KLHL29: variants seen among roughly 807,000 people sequenced by gnomAD.
KLHL29 encodes the protein kelch-like protein 29.
In KLHL29, 21 loss-of-function variants were observed where a neutral mutation model predicts 80.4. The ratio of observed to expected loss-of-function variants is 0.26; its 90% CI spans 0.19 to 0.38. The LOEUF is 0.38. KLHL29 is among the 10% of genes least tolerant of loss of function. The probability of loss-of-function intolerance (pLI) is 1.00; values close to 1 mark genes in which losing one functional copy is unlikely to be tolerated. For synonymous variants in KLHL29, 511 were observed against 526.8 expected, an observed-to-expected ratio of 0.97 and a Z score of 0.41; for missense variants, 867 against 1,223.9, an observed-to-expected ratio of 0.71 and a Z score of 4.35.
intron 5 of KLHL29, among the ~76,000 whole-genome samples, chr2:23,659,783 C>T (rs981949300): frequency 1.3e-5 from 2 of 152,106 alleles, no homozygotes; most frequent in African/African-American, 2.4e-5. Context: ...AGGCCCTCCT[C>T]CAGGCCTGGC....
At chr2:23,523,477 C>T (rs1239512595) in intron 2 of KLHL29, among the ~76,000 whole-genome samples, 1 of 152,204 alleles carries the variant, frequency 6.6e-6, no homozygotes, top group Non-Finnish European at 1.5e-5. Context: ...ATTCTAACCT[C>T]CCTTAGCTTC....
chr2:23,446,154 C>T (rs547746291), intron 1 of KLHL29, among the ~76,000 whole-genome samples: 1 of 150,700 alleles, frequency 6.6e-6, no homozygotes, highest in South Asian at 2.1e-4. Context: ...ATGTTTTCTT[C>T]TAGTACACAT....
intron 3 of KLHL29, among the ~76,000 whole-genome samples, chr2:23,566,155 G>A (rs890191318): frequency 3.9e-5 from 6 of 152,218 alleles, no homozygotes; most frequent in Admixed American, 6.5e-5. Context: ...GATTCCTCAC[G>A]TGTCTTGAGG....
At chr2:23,438,248 G>A (rs967730723) in intron 1 of KLHL29, among the ~76,000 whole-genome samples, 72 of 151,730 alleles carry the variant, frequency 4.7e-4, no homozygotes, top group African/African-American at 1.6e-3. Flanking sequence ...CAATCATGGC[G>A]TCTGCAGACA....
In KLHL29 at chr2:23,681,977, G is replaced by C. The variant is rs554852720; in HGVS notation, c.941-2422G>C. Among the ~76,000 whole-genome samples the C allele has an allele frequency of 2.9e-4, 44 of 152,184 alleles. No homozygotes were observed. Among genetic ancestry groups the C allele is most frequent in the Middle Eastern group, 3.4e-3 (1 of 294 alleles). On this transcript the variant is annotated intron_variant, in intron 5 of 13. Coordinates refer to ENST00000486442, the MANE Select transcript of KLHL29 (RefSeq NM_052920.2). This position sits in a 1 kb window ranked among gnomAD's most constrained non-coding sequence, Gnocchi z 4.2. ...GCTCTCTACCTTGTCTCTAGCCCAG[G>C]CCTCTATCCACCGCCTCCTACCCCA...
chr2:23,602,219 G>A (rs1040760982), intron 3 of KLHL29, among the ~76,000 whole-genome samples: 2 of 152,134 alleles, frequency 1.3e-5, no homozygotes, highest in African/African-American at 2.4e-5. Context: ...CGTGCCCGTC[G>A]GCAAGACATG....
chr2:23,455,638 G>A (rs538431820), intron 1 of KLHL29, among the ~76,000 whole-genome samples: 5 of 133,902 alleles, frequency 3.7e-5, no homozygotes, highest in Non-Finnish European at 7.8e-5. Flanking sequence ...TTGAGACCGA[G>A]TCTCCATCTG....
chr2:23,469,444 G>T (rs1417797383), intron 1 of KLHL29, among the ~76,000 whole-genome samples: 1 of 152,222 alleles, frequency 6.6e-6, no homozygotes, highest in Non-Finnish European at 1.5e-5. Context: ...AGATGCAGGA[G>T]CACGCCACGC....
intron 3 of KLHL29, among the ~76,000 whole-genome samples, chr2:23,628,771 A>G (rs1669389851): frequency 6.6e-6 from 1 of 152,226 alleles, no homozygotes; most frequent in South Asian, 2.1e-4. Flanking sequence ...AGCCCTGTAC[A>G]GGGGACTTTT....
intron 2 of KLHL29, among the ~76,000 whole-genome samples, chr2:23,536,350 G>A (rs970994410): frequency 1.3e-5 from 2 of 152,208 alleles, no homozygotes; most frequent in African/African-American, 4.8e-5. Flanking sequence ...ATTAGAGTAC[G>A]CTGTGTGGAC....
intron 2 of KLHL29, among the ~76,000 whole-genome samples, chr2:23,542,549 G>A (rs1348995557): frequency 6.6e-6 from 1 of 152,248 alleles, no homozygotes; most frequent in Non-Finnish European, 1.5e-5. Context: ...ACTTTCTGGA[G>A]TTGACCTTTT....
chr2:23,473,022 G>A (rs1429645488), intron 1 of KLHL29, among the ~76,000 whole-genome samples: 1 of 152,210 alleles, frequency 6.6e-6, no homozygotes. Flanking sequence ...CTGATGATGG[G>A]ATGAGGGGAA....
intron 4 of KLHL29, among the ~76,000 whole-genome samples, chr2:23,640,562 C>A (rs1410614849): frequency 6.6e-6 from 1 of 152,210 alleles, no homozygotes; most frequent in African/African-American, 2.4e-5. Flanking sequence ...GACACCACCT[C>A]CCCTCTTCAG....
chr2:23,670,987 T>TCTCTCTCTCGCC (rs1558432998), intron 5 of KLHL29, among the ~76,000 whole-genome samples: 1 of 2,146 alleles, frequency 4.7e-4, no homozygotes, highest in Admixed American at 5.6e-3. Flanking sequence ...TCTCCCTCCC[T>TCTCTCTCTCGCC]CCCTCCCTCC....
In KLHL29 at chr2:23,562,148, A is replaced by G. The variant is rs1667461845; in HGVS notation, c.-45-4A>G. Reference sequence around the variant, plus strand: ...TCACCCTTCTCTCCACCCTGTCACCACAGGTCCGGGCTCTGTTTCCCTGTG... The same window carrying G: ...TCACCCTTCTCTCCACCCTGTCACCGCAGGTCCGGGCTCTGTTTCCCTGTG... On this transcript the variant is annotated splice_region_variant and splice_polypyrimidine_tract_variant and intron_variant, in intron 2 of 13. Coordinates refer to ENST00000486442, the MANE Select transcript of KLHL29 (RefSeq NM_052920.2). The surrounding 1 kb of genome is among the most constrained non-coding windows in gnomAD (Gnocchi z 4.5). The G allele has an allele frequency of 6.5e-7, 1 of 1,547,072 alleles. No individual in the cohort carries two copies. Among genetic ancestry groups the G allele is most frequent in the Non-Finnish European group, 8.7e-7 (1 of 1,146,214 alleles).
At chr2:23,589,699 G>A (rs1431903595) in intron 3 of KLHL29, among the ~76,000 whole-genome samples, 2 of 152,204 alleles carry the variant, frequency 1.3e-5, no homozygotes, top group African/African-American at 4.8e-5. Flanking sequence ...CTGCCTCAGA[G>A]GAAAATCTGA....
rs1671173768 is a variant in KLHL29, at chr2:23,684,230, A to T, written c.941-169A>T. ...CCCAGTGGCTGCTTGTTTATGCATT[A>T]TGTTTGTGACTTCTTTTGACTGTCA... On this transcript the variant is annotated intron_variant, in intron 5 of 13. Coordinates refer to ENST00000486442, the MANE Select transcript of KLHL29 (RefSeq NM_052920.2). The surrounding 1 kb of genome is among the most constrained non-coding windows in gnomAD (Gnocchi z 4.4). Among the ~76,000 whole-genome samples, 1 of 151,618 alleles carries T rather than the reference A, an allele frequency of 6.6e-6. No homozygotes were observed. Among genetic ancestry groups the T allele is most frequent in the African/African-American group, 2.4e-5 (1 of 41,234 alleles).
Position 23,696,739 on chromosome 2 carries a change from G to A in KLHL29, c.2105+226G>A, listed in dbSNP as rs1173376205. ...GTGTCACCTTTGCAGTCGCTGAGAT[G>A]GGAGATGGGGCGCTTCTGTCCCGAC... is the stretch of plus-strand genomic sequence containing the variant. On this transcript the variant is annotated intron_variant, in intron 11 of 13. Transcript: ENST00000486442. This position sits in a 1 kb window ranked among gnomAD's most constrained non-coding sequence, Gnocchi z 5.5. 6.2e-6 allele frequency: 3 copies of A among 482,326 alleles called. No individual in the cohort carries two copies. The highest frequency in any genetic ancestry group is 1.1e-5 in the Non-Finnish European group (3 of 274,936). The allele number at this position is 482,326 out of a possible 1,614,324, so 29.9% of individuals were successfully genotyped here. A position where few individuals can be genotyped will look rare whatever the true frequency, so the allele number is the denominator to read the frequency against.
chr2:23,615,760 G>A (rs775185284), intron 3 of KLHL29, among the ~76,000 whole-genome samples: 5 of 152,304 alleles, frequency 3.3e-5, no homozygotes, highest in South Asian at 2.1e-4. Flanking sequence ...GGGTCACTGC[G>A]TGGACACAGA....
Sources: gnomAD v4.1 joint callset for allele counts (sites outside exome capture counted in the v4.1 genomes callset) on GRCh38, gnomAD v4.1.1 for gene constraint, Gnocchi (gnomAD v3.1) non-coding constraint, MANE v1.5 for transcripts, NCBI Gene and HGNC (gene_info 2026-07-23, HGNC 2026-07-21) for gene names.